SOX6: variants seen among roughly 807,000 people sequenced by gnomAD.
SOX6 encodes transcription factor SOX-6.
In SOX6, 11 loss-of-function variants were observed where a neutral mutation model predicts 97.8. The observed-to-expected ratio is 0.11, with a 90% CI of 0.07 to 0.19. The LOEUF (loss-of-function observed/expected upper bound fraction) is 0.19, where lower values mean the gene tolerates loss of function less well. Ranked by LOEUF, SOX6 falls within the 10% of genes least tolerant of loss-of-function variation. The pLI, the probability that SOX6 is intolerant of heterozygous loss-of-function variation, is 1.00. For synonymous variants in SOX6, 360 were observed against 371.4 expected, an observed-to-expected ratio of 0.97 and a Z score of 0.35; for missense variants, 810 against 1,039.5, an observed-to-expected ratio of 0.78 and a Z score of 3.04.
intron 8 of SOX6, among the ~76,000 whole-genome samples, chr11:16,096,891 T>G (rs1848811347): frequency 6.6e-6 from 1 of 152,008 alleles, no homozygotes; most frequent in African/African-American, 2.4e-5. Context: ...TTGTTTTTAT[T>G]AATACAAATA....
chr11:16,419,653 A>G (rs1858990121), intron 1 of SOX6, among the ~76,000 whole-genome samples: 1 of 152,188 alleles, frequency 6.6e-6, no homozygotes, highest in Non-Finnish European at 1.5e-5. Flanking sequence ...TGAAAAATAC[A>G]TGACATCTAG....
At chr11:16,248,649 G>A (rs533016566) in intron 3 of SOX6, among the ~76,000 whole-genome samples, 1 of 152,340 alleles carries the variant, frequency 6.6e-6, no homozygotes, top group East Asian at 1.9e-4. Context: ...GGAATGCAAG[G>A]CATCATATCC....
chr11:16,153,919 A>AATTTTATTAATAATCTT (rs1319694462), intron 6 of SOX6, among the ~76,000 whole-genome samples: 2 of 152,204 alleles, frequency 1.3e-5, no homozygotes, highest in Non-Finnish European at 2.9e-5. Context: ...CAATCTTATT[A>AATTTTATTAATAATCTT]ATTAATCCTA....
At chr11:16,279,557 T>C (rs1854493771) in intron 3 of SOX6, among the ~76,000 whole-genome samples, 2 of 152,090 alleles carry the variant, frequency 1.3e-5, no homozygotes, top group South Asian at 4.1e-4. Flanking sequence ...TGTTGCTTAT[T>C]AAATATTTTT....
intron 3 of SOX6, among the ~76,000 whole-genome samples, chr11:16,298,075 T>C (rs1237455801): frequency 6.6e-6 from 1 of 152,174 alleles, no homozygotes; most frequent in Non-Finnish European, 1.5e-5. Context: ...GGGAATAAAA[T>C]ACTGGATGCA....
At chr11:16,087,069 T>C (rs1848594089) in intron 9 of SOX6, among the ~76,000 whole-genome samples, 1 of 152,208 alleles carries the variant, frequency 6.6e-6, no homozygotes, top group African/African-American at 2.4e-5. Context: ...ACAGTCCTAT[T>C]TTGTTTACTA....
At chr11:16,140,759 G>GTC in intron 6 of SOX6, among the ~76,000 whole-genome samples, 1 of 152,188 alleles carries the variant, frequency 6.6e-6, no homozygotes, top group South Asian at 2.1e-4. Context: ...TGACACCCAG[G>GTC]AACCTAGCTA....
rs181435267 is a variant in SOX6, at chr11:16,187,502, G to A, written c.536-547C>T. On this transcript the variant is annotated intron_variant, in intron 4 of 15. Transcript: ENST00000683767. ...TTGGCCATAGAGAGAATACTACAGA[G>A]AGAATTAAAACTGCCTCAGGTGAGA... 4.6e-5 allele frequency among the ~76,000 whole-genome samples: 7 copies of A among 152,118 alleles called. No homozygotes were observed. The East Asian group carries it at 1.4e-3, about 29-fold the overall frequency.
At chr11:16,574,772 A>T (rs1446626956) in intron 4 of SOX6, among the ~76,000 whole-genome samples, 19 of 151,822 alleles carry the variant, frequency 1.3e-4, no homozygotes, top group African/African-American at 2.4e-4. Flanking sequence ...CATTTTTTTT[A>T]AAAAAAGATC....
intron 2 of SOX6, among the ~76,000 whole-genome samples, chr11:16,319,540 T>A (rs1855850900): frequency 7.3e-6 from 1 of 136,992 alleles, no homozygotes; most frequent in African/African-American, 2.6e-5. Flanking sequence ...TGGTGTGTGA[T>A]GTTCCCCTTC....
At chr11:16,190,560 A>C (rs1013347471) in intron 4 of SOX6, among the ~76,000 whole-genome samples, 2 of 152,232 alleles carry the variant, frequency 1.3e-5, no homozygotes, top group African/African-American at 4.8e-5. Flanking sequence ...TGCAAATACC[A>C]GGCCATTTTA....
intron 12 of SOX6, among the ~76,000 whole-genome samples, chr11:16,038,978 G>A (rs1470864164): frequency 6.6e-6 from 1 of 152,060 alleles, no homozygotes; most frequent in African/African-American, 2.4e-5. Context: ...CTGAGAAGCT[G>A]TTTTGTTTAT....
chr11:16,006,486 G>A (rs1012203635), intron 13 of SOX6, among the ~76,000 whole-genome samples: 6 of 152,032 alleles, frequency 3.9e-5, no homozygotes, highest in African/African-American at 7.2e-5. Context: ...TGAAAAAGAC[G>A]ATTCTTCCCT....
chr11:16,295,900 C>T (rs1855068927), intron 3 of SOX6, among the ~76,000 whole-genome samples: 1 of 151,968 alleles, frequency 6.6e-6, no homozygotes, highest in Non-Finnish European at 1.5e-5. Flanking sequence ...GAGATTTTTC[C>T]CACCCTTACT....
chr11:16,588,100 G>A (rs556433924), intron 4 of SOX6, among the ~76,000 whole-genome samples: 50 of 152,178 alleles, frequency 3.3e-4, no homozygotes, highest in Non-Finnish European at 5.0e-4. Context: ...TAGTGTTATC[G>A]TTTTTGCTCA....
At chr11:16,077,539 A>T (rs1331378636) in intron 9 of SOX6, among the ~76,000 whole-genome samples, 1 of 152,148 alleles carries the variant, frequency 6.6e-6, no homozygotes, top group African/African-American at 2.4e-5. Context: ...TCACAATAGC[A>T]AAGTCATGGA....
chr11:16,721,144 G>A (rs899605329), intron 2 of SOX6, among the ~76,000 whole-genome samples: 4 of 152,156 alleles, frequency 2.6e-5, no homozygotes, highest in Non-Finnish European at 5.9e-5. Context: ...TTAATAAAAG[G>A]CAAGGACGCT....
At position 16,605,913 on chromosome 11, in the gene SOX6, C is replaced by G. The variant is rs1214927966; in HGVS notation, n.609+6168G>C. ...CTAGGAAACTTACTTTGCATTTAGT[C>G]TCTATTCTTTGGGGGATGCGGTTTA... is the stretch of plus-strand genomic sequence containing the variant. On this transcript the variant is annotated intron_variant and non_coding_transcript_variant, in intron 4 of 5. Coordinates refer to the SOX6 transcript ENST00000524520. The surrounding 1 kb of genome is among the most constrained non-coding windows in gnomAD (Gnocchi z 5.3). The G allele has an allele frequency of 1.3e-5, 2 of 152,254 alleles. No homozygotes were observed. The highest frequency in any genetic ancestry group is 1.3e-4 in the Admixed American group (2 of 15,280). The allele number at this position is 152,254 out of a possible 1,614,324, so 9.4% of individuals were successfully genotyped here.
At chr11:16,260,818 C>T (rs1425675306) in intron 3 of SOX6, among the ~76,000 whole-genome samples, 1 of 152,150 alleles carries the variant, frequency 6.6e-6, no homozygotes, top group East Asian at 1.9e-4. Flanking sequence ...CTTAAAAGGT[C>T]CCCCATGTTC....
Sources: gnomAD v4.1 joint callset for allele counts (sites outside exome capture counted in the v4.1 genomes callset) on GRCh38, gnomAD v4.1.1 for gene constraint, Gnocchi (gnomAD v3.1) non-coding constraint, MANE v1.5 for transcripts, NCBI Gene and HGNC (gene_info 2026-07-23, HGNC 2026-07-21) for gene names.